Variants in ARFGAP1 observed in about 807,000 individuals in gnomAD.
ARFGAP1 encodes ARF GTPase activating protein 1, also known as ADP-ribosylation factor GTPase-activating protein 1.
In ARFGAP1, 26 loss-of-function variants were observed where a neutral mutation model predicts 54.0. The observed-to-expected ratio is 0.48, with a 90% confidence interval of 0.35 to 0.67. The LOEUF (loss-of-function observed/expected upper bound fraction) is 0.67, where lower values mean the gene tolerates loss of function less well. Among genes scored for constraint, ARFGAP1 ranks in the 30% least tolerant of loss-of-function variants. The pLI, the probability that ARFGAP1 is intolerant of heterozygous loss-of-function variation, is 0.00. For missense variants in ARFGAP1, 525 were observed against 535.8 expected, an observed-to-expected ratio of 0.98 and a Z score of 0.20; for synonymous variants, 248 against 211.9, an observed-to-expected ratio of 1.17 and a Z score of -1.48.
Position 63,288,633 on chromosome 20 carries a change from A to G in ARFGAP1, c.*760A>G. 1 of 406,138 alleles carries G rather than the reference A, an allele frequency of 2.5e-6. No individual in the cohort carries two copies. The highest frequency in any genetic ancestry group is 2.1e-5 in the African/African-American group (1 of 48,770). 25.2% of individuals were successfully genotyped at this position (406,138 alleles called of 1,614,324 possible). A position where few individuals can be genotyped will look rare whatever the true frequency, so the allele number is the denominator to read the frequency against. On this transcript the variant is annotated 3_prime_UTR_variant, in exon 13 of 13. Coordinates refer to ENST00000370283, the MANE Select transcript of ARFGAP1 (RefSeq NM_018209.4). ...GGTGGGCCCTCGGCCCTGATGCAGGAGGGTGCGATAGCGGACGTGGCCAGG... is the reference window on the plus strand; with the variant it reads ...GGTGGGCCCTCGGCCCTGATGCAGGGGGGTGCGATAGCGGACGTGGCCAGG...
intron 7 of ARFGAP1, among the ~76,000 whole-genome samples, chr20:63,280,895 A>C (rs1382852562): frequency 6.6e-6 from 1 of 152,242 alleles, no homozygotes; most frequent in Non-Finnish European, 1.5e-5. Flanking sequence ...CCCTGAGCAT[A>C]GATGAAGGAG....
At position 63,288,997 on chromosome 20, in the gene ARFGAP1, C is replaced by T. The variant is rs1464053026; in HGVS notation, c.*1124C>T. 5.2e-6 allele frequency: 1 copy of T among 191,246 alleles called. No homozygotes were observed. Among genetic ancestry groups the T allele is most frequent in the African/African-American group, 2.3e-5 (1 of 43,758 alleles). The allele number at this position is 191,246 out of a possible 1,614,324, so 11.8% of individuals were successfully genotyped here. A position where few individuals can be genotyped will look rare whatever the true frequency, so the allele number is the denominator to read the frequency against. The stretch of plus-strand genomic sequence containing the variant: ...GTCGCCGTCTGCAGCACTCCTGGAG[C>T]AGCCTGGGCCCTTCAGCCCCTGTGC... On this transcript the variant is annotated 3_prime_UTR_variant, in exon 13 of 13. Transcript: ENST00000370283.
chr20:63,279,119 C>T (rs1424894602), intron 7 of ARFGAP1, 124 bp downstream of exon 7: 4 of 986,590 alleles, frequency 4.1e-6, no homozygotes, highest in African/African-American at 1.6e-5. Flanking sequence ...GATCTAAGGA[C>T]CCCTCCCTTA....
At position 63,276,030 on chromosome 20, in the gene ARFGAP1, C is replaced by G; in HGVS notation, c.61-61C>G. The G allele has an allele frequency of 6.6e-7, 1 of 1,525,740 alleles. No individual in the cohort carries two copies. The highest frequency in any genetic ancestry group is 9.1e-7 in the Non-Finnish European group (1 of 1,102,128). 94.5% of individuals were successfully genotyped at this position (1,525,740 alleles called of 1,614,324 possible). On this transcript the variant is annotated intron_variant, in intron 2 of 12. Transcript: ENST00000370283. The surrounding 1 kb of genome is among the most constrained non-coding windows in gnomAD (Gnocchi z 5.2). ...CGCTCCTTGAGGCCACCTGTCGGGTCTTTGGGGTCCCTGGGCTCTGCCCTG... is the reference window on the plus strand; with the variant it reads ...CGCTCCTTGAGGCCACCTGTCGGGTGTTTGGGGTCCCTGGGCTCTGCCCTG...
At chr20:63,285,843 C>T (rs1350011008) in intron 11 of ARFGAP1, 130 bp downstream of exon 11, 7 of 1,463,758 alleles carry the variant, frequency 4.8e-6, no homozygotes, top group African/African-American at 2.8e-5. Flanking sequence ...TCCTCTGAGA[C>T]GGGAGGAGAG....
chr20:63,286,496 C>A, intron 12 of ARFGAP1, 54 bp downstream of exon 12: 2 of 1,542,456 alleles, frequency 1.3e-6, no homozygotes, highest in Non-Finnish European at 1.8e-6. Flanking sequence ...CTTGGCCACT[C>A]CTCCTACAGG....
rs779759799 is a variant in ARFGAP1 at position 63,285,699 on chromosome 20, C to T, written c.820C>T (p.Gln274Ter). Residue 274 changes from glutamine (Q) to a stop codon, truncating the protein, a stop_gained, in exon 11 of 13, where the codon CAG (glutamine) becomes TAG (stop). Coordinates refer to ENST00000370283, the MANE Select transcript of ARFGAP1 (RefSeq NM_018209.4). LOFTEE classifies it high-confidence loss of function. ...IFDDVSSGVS[Q>*]LASKVQGVGS... ...TGATGATGTCTCCAGTGGGGTCTCT[C>T]AGTTGGCGTCCAAGGTAGGGAGCCT... is the stretch of plus-strand genomic sequence containing the variant. 3 of 1,613,648 alleles carry T rather than the reference C, an allele frequency of 1.9e-6. No homozygotes were observed. Among genetic ancestry groups the T allele is most frequent in the South Asian group, 1.1e-5 (1 of 91,088 alleles).
Position 63,287,696 on chromosome 20 carries a change from C to G in ARFGAP1, c.1044C>G (p.Ser348Arg). ...CCCGCAAGTCCCCGAGCAGCGACAG[C>G]TGGACGTGCGCGGACACCTCCACCG... Reference protein sequence around the residue: ...TKTRKSPSSDSWTCADTSTER... With the variant: ...TKTRKSPSSDRWTCADTSTER... The change falls in exon 13 of 13, where the codon AGC (serine) becomes AGG (arginine). Residue 348 changes from serine (S) to arginine (R), a missense_variant. Ser to Arg is a moderately radical substitution (Grantham distance 110). Around this residue, in one of 3 missense-constraint regions of ARFGAP1, gnomAD observed 466 missense variants for 453.6 expected, o/e 1.03. Coordinates refer to ENST00000370283, the MANE Select transcript of ARFGAP1 (RefSeq NM_018209.4). The G allele has an allele frequency of 1.2e-6, 2 of 1,612,348 alleles. No individual in the cohort carries two copies. Among genetic ancestry groups the G allele is most frequent in the Non-Finnish European group, 1.7e-6 (2 of 1,179,828 alleles).
intron 4 of ARFGAP1, 42 bp from the exon 5 acceptor site, chr20:63,277,163 A>C: frequency 6.4e-7 from 1 of 1,553,788 alleles, no homozygotes; most frequent in Non-Finnish European, 8.8e-7. Flanking sequence ...GGGCATCGCC[A>C]GGCGCCTTTA....
chr20:63,277,231 G>A lies in ARFGAP1; in HGVS notation c.369G>A (p.Glu123=). 1.2e-6 allele frequency: 2 copies of A among 1,612,936 alleles called. No individual in the cohort carries two copies. Among genetic ancestry groups the A allele is most frequent in the Non-Finnish European group, 1.7e-6 (2 of 1,179,926 alleles). Residue 123 remains glutamate, a synonymous_variant, in exon 5 of 13, where the codon GAG becomes GAA. Transcript: ENST00000370283. The stretch of plus-strand genomic sequence containing the variant: ...TGGTCGCTCTGGCCGAAGGCAGAGA[G>A]TGGTCTCTGGAGTCATCACCTGCCC... ...DKVVALAEGR[E]WSLESSPAQN... is the part of the protein sequence containing the mutation.
chr20:63,276,877 G>C lies in ARFGAP1; in HGVS notation c.342+226G>C. 1.7e-6 allele frequency: 1 copy of C among 572,322 alleles called. No individual in the cohort carries two copies. Among genetic ancestry groups the C allele is most frequent in the Non-Finnish European group, 3.1e-6 (1 of 326,892 alleles). 35.5% of individuals were successfully genotyped at this position (572,322 alleles called of 1,614,324 possible). A position where few individuals can be genotyped will look rare whatever the true frequency, so the allele number is the denominator to read the frequency against. ...ACCTTCCCCGCCTCCAGGGGAGAAA[G>C]CAGCTGTGACCGTTTATTGCCTCTG... On this transcript the variant is annotated intron_variant, in intron 4 of 12. Transcript: ENST00000370283. This position sits in a 1 kb window ranked among gnomAD's most constrained non-coding sequence, Gnocchi z 5.2.
rs1285101362 is a variant in ARFGAP1, at chr20:63,287,588, G to C, written c.936G>C (p.Gln312His). The part of the protein sequence containing the change: ...LDSPSEGHSY[Q>H]NSGLDHFQNS... Reference sequence around the variant, plus strand: ...GCCCCTCGGAGGGCCACAGTTATCAGAACAGCGGTCTGGACCACTTCCAAA... The same window carrying C: ...GCCCCTCGGAGGGCCACAGTTATCACAACAGCGGTCTGGACCACTTCCAAA... Residue 312 changes from glutamine to histidine, a missense_variant, in exon 13 of 13, where the codon CAG (glutamine) becomes CAC (histidine). Physicochemically the swap from Gln to His is conservative, Grantham distance 24. Transcript: ENST00000370283. The C allele has an allele frequency of 6.2e-7, 1 of 1,603,912 alleles. No individual in the cohort carries two copies. The highest frequency in any genetic ancestry group is 2.2e-5 in the East Asian group (1 of 44,622).
intron 9 of ARFGAP1, chr20:63,283,995 G>A (rs1249802624): frequency 2.9e-5 from 44 of 1,523,126 alleles, no homozygotes; most frequent in African/African-American, 1.1e-4. Context: ...ATGTGCGCAC[G>A]CTCAGACCCT....
intron 12 of ARFGAP1, 29 bp downstream of exon 12, chr20:63,286,471 A>T: frequency 6.2e-7 from 1 of 1,603,706 alleles, no homozygotes. Context: ...TGGGCCTTGC[A>T]TCCCACTCCC....
chr20:63,288,002 C>T lies in ARFGAP1; in HGVS notation c.*129C>T. ...AGTGTGAGGACAGCGTCTCGGGAGG[C>T]AGGACCCTAGGGAGACCCGGGTGTG... On this transcript the variant is annotated 3_prime_UTR_variant, in exon 13 of 13. Transcript: ENST00000370283. 1.7e-6 allele frequency: 2 copies of T among 1,161,702 alleles called. No homozygotes were observed. Among genetic ancestry groups the T allele is most frequent in the South Asian group, 1.6e-5 (1 of 62,694 alleles). The allele number at this position is 1,161,702 out of a possible 1,614,324, so 72.0% of individuals were successfully genotyped here. A position where few individuals can be genotyped will look rare whatever the true frequency, so the allele number is the denominator to read the frequency against.
chr20:63,276,773 T>C lies in ARFGAP1; in HGVS notation c.342+122T>C. 4 of 1,186,860 alleles carry C rather than the reference T, an allele frequency of 3.4e-6. No individual in the cohort carries two copies. Among genetic ancestry groups the C allele is most frequent in the Non-Finnish European group, 4.6e-6 (4 of 867,002 alleles). 73.5% of individuals were successfully genotyped at this position (1,186,860 alleles called of 1,614,324 possible). A position where few individuals can be genotyped will look rare whatever the true frequency, so the allele number is the denominator to read the frequency against. On this transcript the variant is annotated intron_variant, in intron 4 of 12. Transcript: ENST00000370283. The surrounding 1 kb of genome is among the most constrained non-coding windows in gnomAD (Gnocchi z 5.2). Reference sequence around the variant, plus strand: ...CTTCTGCTGGTTCTGACACACCCACTGGGCCACACACAACTTGCCGCCCTG... The same window carrying C: ...CTTCTGCTGGTTCTGACACACCCACCGGGCCACACACAACTTGCCGCCCTG...
At chr20:63,286,587 G>C in intron 12 of ARFGAP1, 145 bp downstream of exon 12, 1 of 796,366 alleles carries the variant, frequency 1.3e-6, no homozygotes, top group Non-Finnish European at 2.0e-6. Context: ...TGGCATCCTT[G>C]CTGGGGAGGG....
chr20:63,274,353 A>G (rs1050087143), intron 1 of ARFGAP1: 1 of 108,760 alleles, frequency 9.2e-6, no homozygotes, highest in African/African-American at 3.5e-5. Flanking sequence ...TTATTTCTGG[A>G]TACTTAAGAT....
At chr20:63,286,719 G>A in intron 12 of ARFGAP1, 1 of 359,794 alleles carries the variant, frequency 2.8e-6, no homozygotes. Context: ...CCTGCTGTGT[G>A]CTCTTTGGAA....
Sources: allele counts gnomAD v4.1 joint callset (sites outside exome capture counted in the v4.1 genomes callset), GRCh38; gene constraint gnomAD v4.1.1; regional missense constraint gnomAD v4.1.1; non-coding constraint Gnocchi (gnomAD v3.1); transcripts MANE v1.5; gene names NCBI Gene and HGNC (gene_info 2026-07-23, HGNC 2026-07-21).